Variants in LUC7L3 observed in about 807,000 individuals in gnomAD.
The protein encoded by LUC7L3 is LUC7 like 3 pre-mRNA splicing factor.
A neutral mutation model predicts 66.8 loss-of-function variants in LUC7L3; 6 were observed. The observed-to-expected ratio is 0.09, with a 90% CI of 0.05 to 0.18. The LOEUF is 0.18. LUC7L3 is among the 10% of genes least tolerant of loss of function. LUC7L3 has a pLI of 1.00. For missense variants in LUC7L3, 341 were observed against 531.1 expected (o/e 0.64, Z 3.52); for synonymous variants, 160 against 174.7 (o/e 0.92, Z 0.66).
At chr17:50,726,241 G>T (rs1969175538) in intron 1 of LUC7L3, among the ~76,000 whole-genome samples, 1 of 152,006 alleles carries the variant, frequency 6.6e-6, no homozygotes, top group Admixed American at 6.6e-5. Flanking sequence ...GTGCCATCTC[G>T]GCTCACTGCA....
intron 1 of LUC7L3, among the ~76,000 whole-genome samples, chr17:50,732,825 C>A (rs1440772182): frequency 3.3e-5 from 5 of 152,148 alleles, no homozygotes; most frequent in Non-Finnish European, 5.9e-5. Flanking sequence ...CCACCTCCAC[C>A]TTTGAGGCTC....
intron 1 of LUC7L3, chr17:50,722,811 T>C (rs1196116075): frequency 6.6e-6 from 1 of 152,242 alleles, no homozygotes; most frequent in Non-Finnish European, 1.5e-5. Flanking sequence ...TTTCCAACTT[T>C]GTAGATTGCT....
At position 50,719,629 on chromosome 17, in the gene LUC7L3, G is replaced by A. The variant is rs1457884091; in HGVS notation, c.-104G>A. ...TCTTGTCGGCTCCTGTGTGTAGGAG[G>A]GATTTCGGCCTGAGAGCGGGCCGAG... On this transcript the variant is annotated 5_prime_UTR_variant, in exon 1 of 10. Transcript: ENST00000505658. The A allele has an allele frequency of 1.3e-5, 12 of 926,664 alleles. No homozygotes were observed. The highest frequency in any genetic ancestry group is 1.9e-5 in the Non-Finnish European group (11 of 593,096). 57.4% of individuals were successfully genotyped at this position (926,664 alleles called of 1,614,324 possible).
intron 3 of LUC7L3, among the ~76,000 whole-genome samples, chr17:50,740,547 T>C (rs1424236700): frequency 2.0e-5 from 3 of 152,082 alleles, no homozygotes; most frequent in Non-Finnish European, 4.4e-5. Context: ...TGTCAGACTT[T>C]TTTTTTCTGT....
chr17:50,749,396 C>G (rs1317125618), intron 9 of LUC7L3: 24 of 1,242,302 alleles, frequency 1.9e-5, no homozygotes, highest in Non-Finnish European at 2.4e-5. Flanking sequence ...GACAGACAGA[C>G]ATGAAGCAAG....
Position 50,753,981 on chromosome 17 carries a change from T to C in LUC7L3, c.*3320T>C, listed in dbSNP as rs748565788. 1.3e-5 allele frequency: 2 copies of C among 152,160 alleles called. No homozygotes were observed. The highest frequency in any genetic ancestry group is 2.9e-5 in the Non-Finnish European group (2 of 68,024). The allele number at this position is 152,160 out of a possible 1,614,324, so 9.4% of individuals were successfully genotyped here. ...TATGACTAAGGCCTGGCTTTAGTTA[T>C]GGAGAGAGACGTAGAAGTTGAATTT... On this transcript the variant is annotated 3_prime_UTR_variant, in exon 10 of 10. Coordinates refer to ENST00000505658, the MANE Select transcript of LUC7L3 (RefSeq NM_016424.5).
At chr17:50,721,949 G>A (rs1045136127) in intron 1 of LUC7L3, 3 of 151,384 alleles carry the variant, frequency 2.0e-5, no homozygotes, top group African/African-American at 7.3e-5. Flanking sequence ...AATAAGGAAA[G>A]GAAGCAACCA....
At chr17:50,742,074 T>TTGTGTGTGTGTGTG (rs142033434) in intron 5 of LUC7L3, among the ~76,000 whole-genome samples, 1 of 150,660 alleles carries the variant, frequency 6.6e-6, no homozygotes, top group Non-Finnish European at 1.5e-5. Context: ...AGACCTCGTC[T>TTGTGTGTGTGTGTG]TGTGTGTGTG....
At position 50,741,740 on chromosome 17, in the gene LUC7L3, T is replaced by C. The variant is rs371977959; in HGVS notation, c.426+9T>C. On this transcript the variant is annotated intron_variant, in intron 5 of 9. Coordinates refer to ENST00000505658, the MANE Select transcript of LUC7L3 (RefSeq NM_016424.5). ...ATGTACTTCTGCAACAGGTGAGAAT[T>C]GTGTGCATTAATGTCAGGAAGTAAT... 2.1e-4 allele frequency: 335 copies of C among 1,604,030 alleles called. No homozygotes were observed. The highest frequency in any genetic ancestry group is 3.9e-4 in the Admixed American group (23 of 59,704).
intron 1 of LUC7L3, among the ~76,000 whole-genome samples, chr17:50,720,045 G>C (rs1968635612): frequency 6.6e-6 from 1 of 152,252 alleles, no homozygotes; most frequent in Non-Finnish European, 1.5e-5. Flanking sequence ...GGGGGTCCGG[G>C]AGAGCCCTTG....
rs1014668533 is a variant in LUC7L3 at position 50,755,960 on chromosome 17, T to A, written c.*5299T>A. 6.6e-6 allele frequency: 1 copy of A among 152,152 alleles called. No individual in the cohort carries two copies. Among genetic ancestry groups the A allele is most frequent in the African/African-American group, 2.4e-5 (1 of 41,438 alleles). The allele number at this position is 152,152 out of a possible 1,614,324, so 9.4% of individuals were successfully genotyped here. A position where few individuals can be genotyped will look rare whatever the true frequency, so the allele number is the denominator to read the frequency against. On this transcript the variant is annotated 3_prime_UTR_variant, in exon 10 of 10. Transcript: ENST00000505658. ...TCAAAAAAAGCAAGTCACAGAAGAA[T>A]ACATCACTATGGTTCCATTTCAATG...
chr17:50,735,261 C>A (rs988473688), intron 1 of LUC7L3, among the ~76,000 whole-genome samples: 1 of 149,210 alleles, frequency 6.7e-6, no homozygotes, highest in Non-Finnish European at 1.5e-5. Flanking sequence ...AAAAAACTTT[C>A]GTGTCTGTGA....
rs3833147 is a variant in LUC7L3, at chr17:50,751,848, AAGTT to A, written c.*1190_*1193del. On this transcript the variant is annotated 3_prime_UTR_variant, in exon 10 of 10. Coordinates refer to ENST00000505658, the MANE Select transcript of LUC7L3 (RefSeq NM_016424.5). Reference sequence around the variant, plus strand: ...ATTTGGGTTTTTAAAGAAATATTAAAAGTTAGGTACTGTAAGTGTTCTTAAAACC... The same window carrying A: ...ATTTGGGTTTTTAAAGAAATATTAAAAGGTACTGTAAGTGTTCTTAAAACC... The A allele has an allele frequency of 9.9e-7, 1 of 1,009,288 alleles. No individual in the cohort carries two copies. The highest frequency in any genetic ancestry group is 1.2e-6 in the Non-Finnish European group (1 of 844,290). 62.5% of individuals were successfully genotyped at this position (1,009,288 alleles called of 1,614,324 possible). A position where few individuals can be genotyped will look rare whatever the true frequency, so the allele number is the denominator to read the frequency against.
In LUC7L3 at chr17:50,737,040, C is replaced by T. The variant is rs1250213901; in HGVS notation, c.166+14C>T. 1 of 1,583,670 alleles carries T rather than the reference C, an allele frequency of 6.3e-7. No homozygotes were observed. On this transcript the variant is annotated intron_variant, in intron 2 of 9. Coordinates refer to ENST00000505658, the MANE Select transcript of LUC7L3 (RefSeq NM_016424.5). ...GTTCTGATCTTGGTAAGTGAATTTT[C>T]TGTGTAACTTTTATCAAATTTATGA...
chr17:50,732,928 C>T (rs1001615780), intron 1 of LUC7L3, among the ~76,000 whole-genome samples: 2 of 151,982 alleles, frequency 1.3e-5, no homozygotes, highest in Admixed American at 6.6e-5. Context: ...TAAGCAACGG[C>T]GAAGATTCAT....
At chr17:50,744,146 C>G (rs1473243859) in intron 6 of LUC7L3, among the ~76,000 whole-genome samples, 1 of 152,146 alleles carries the variant, frequency 6.6e-6, no homozygotes, top group African/African-American at 2.4e-5. Context: ...ATACTTACAT[C>G]TTTGTTAAAA....
At chr17:50,729,896 TTATATATATATA>T (rs1156777167) in intron 1 of LUC7L3, among the ~76,000 whole-genome samples, 2,121 of 65,056 alleles carry the variant, frequency 0.033, 41 homozygotes, top group Non-Finnish European at 0.038. Context: ...TATAAATACA[TTATATATATATA>T]TATATATATA....
intron 2 of LUC7L3, among the ~76,000 whole-genome samples, chr17:50,739,776 A>G (rs890533402): frequency 1.3e-5 from 2 of 152,228 alleles, no homozygotes; most frequent in Non-Finnish European, 2.9e-5. Flanking sequence ...TATTTATCCA[A>G]AAATTTTGAT....
intron 1 of LUC7L3, among the ~76,000 whole-genome samples, chr17:50,726,437 GC>G (rs918577920): frequency 3.3e-4 from 50 of 152,288 alleles, no homozygotes; most frequent in African/African-American, 1.1e-3. Context: ...CTCCCAAAGT[GC>G]TGGGATTAGA....
Sources: gnomAD v4.1 joint callset for allele counts (sites outside exome capture counted in the v4.1 genomes callset) on GRCh38, gnomAD v4.1.1 for gene constraint, MANE v1.5 for transcripts, NCBI Gene and HGNC (gene_info 2026-07-23, HGNC 2026-07-21) for gene names.